AKAP7: variants seen among roughly 807,000 people sequenced by gnomAD.
AKAP7 encodes the protein A kinase (PRKA) anchor protein 7.
In AKAP7, 39 loss-of-function variants were observed where a neutral mutation model predicts 39.5. The ratio of observed to expected loss-of-function variants is 0.99; its 90% CI spans 0.76 to 1.29. AKAP7 has a LOEUF of 1.29. AKAP7 is among the 50% of genes most tolerant of loss of function. The probability of loss-of-function intolerance (pLI) is 0.00; values close to 1 mark genes in which losing one functional copy is unlikely to be tolerated. For missense variants in AKAP7, 414 were observed against 407.7 expected (o/e 1.02, Z -0.13); for synonymous variants, 140 against 139.1 (o/e 1.01, Z -0.05).
At chr6:131,277,350 G>T (rs1814831882) in intron 7 of AKAP7, among the ~76,000 whole-genome samples, 1 of 152,164 alleles carries the variant, frequency 6.6e-6, no homozygotes, top group Non-Finnish European at 1.5e-5. Context: ...CATTTTATTA[G>T]GTAGAATATT....
In AKAP7 at chr6:131,242,672, C is replaced by A. The variant is rs553266200; in HGVS notation, c.850+22864C>A. ...TCGTTTTCACTGTGATAAAGTGGGC[C>A]TCAGGCCACATGGGCCTGACTTTTG... On this transcript the variant is annotated intron_variant, in intron 7 of 7. Transcript: ENST00000431975. Among the ~76,000 whole-genome samples the A allele has an allele frequency of 5.3e-5, 8 of 152,080 alleles. No individual in the cohort carries two copies. In the South Asian group the frequency reaches 1.7e-3, roughly 32 times the overall value.
chr6:131,199,627 G>A, intron 6 of AKAP7, 54 bp downstream of exon 6: 1 of 1,359,588 alleles, frequency 7.4e-7, no homozygotes, highest in Non-Finnish European at 1.1e-6. Context: ...CCAGCCATAA[G>A]CATGGTCTGG....
chr6:131,259,299 TGTA>T (rs1813115708), intron 7 of AKAP7, among the ~76,000 whole-genome samples: 2 of 152,144 alleles, frequency 1.3e-5, no homozygotes, highest in Non-Finnish European at 1.5e-5. Flanking sequence ...CTAGGGCTAT[TGTA>T]GTCAGACTTT....
At chr6:131,273,945 T>C (rs1161452706) in intron 7 of AKAP7, among the ~76,000 whole-genome samples, 7 of 150,412 alleles carry the variant, frequency 4.7e-5, no homozygotes, top group Non-Finnish European at 8.9e-5. Context: ...CTTTTCTTTT[T>C]TTTTTTTTTT....
chr6:131,134,937 T>C (rs1584913916), upstream of AKAP7, among the ~76,000 whole-genome samples: 1 of 152,318 alleles, frequency 6.6e-6, no homozygotes, highest in East Asian at 1.9e-4. Context: ...AAATTTCTTT[T>C]TCTCCCAATT....
chr6:131,132,186 G>A (rs1022021431), upstream of AKAP7, among the ~76,000 whole-genome samples: 3 of 151,906 alleles, frequency 2.0e-5, no homozygotes, highest in Admixed American at 6.6e-5. Context: ...GGTGGCGGGC[G>A]CCTGTGGTCC....
chr6:131,262,469 G>A (rs148596054), intron 7 of AKAP7, among the ~76,000 whole-genome samples: 8 of 152,186 alleles, frequency 5.3e-5, no homozygotes, highest in African/African-American at 1.7e-4. Flanking sequence ...TCCAAGGTGA[G>A]CATTTTGTTT....
chr6:131,132,039 G>A (rs1172077497), upstream of AKAP7, among the ~76,000 whole-genome samples: 1 of 152,138 alleles, frequency 6.6e-6, no homozygotes, highest in Non-Finnish European at 1.5e-5. Context: ...TCGGCCAGGC[G>A]CGGTGGGTCA....
intron 5 of AKAP7, among the ~76,000 whole-genome samples, chr6:131,170,367 GA>G (rs144546746): frequency 0.1 from 15,279 of 148,094 alleles, 1,010 homozygotes; most frequent in South Asian, 0.23. Context: ...TGGAAAAAAA[GA>G]AAAAAAAAAT....
chr6:131,171,708 T>C (rs1243748738), intron 5 of AKAP7, among the ~76,000 whole-genome samples: 4 of 152,158 alleles, frequency 2.6e-5, no homozygotes, highest in Non-Finnish European at 5.9e-5. Context: ...TACTAATCTG[T>C]GATCTTCTCA....
the AKAP7 span, among the ~76,000 whole-genome samples, chr6:131,127,912 A>C: frequency 3.3e-5 from 5 of 152,320 alleles, no homozygotes; most frequent in Admixed American, 2.0e-4. Context: ...ATCCTTAGCA[A>C]ACTAACACAG....
intron 5 of AKAP7, among the ~76,000 whole-genome samples, chr6:131,175,936 G>A (rs145841708): frequency 1.3e-5 from 2 of 152,214 alleles, no homozygotes; most frequent in South Asian, 2.1e-4. Flanking sequence ...AGGTTTACAT[G>A]TTTATTTGGG....
intron 7 of AKAP7, among the ~76,000 whole-genome samples, chr6:131,247,269 GTATATATATATATATA>G (rs60033504): frequency 0.13 from 11,918 of 91,956 alleles, 1,001 homozygotes; most frequent in East Asian, 0.21. Flanking sequence ...CATTTCATAT[GTATATATATATATATA>G]TATATATATA....
In AKAP7 at chr6:131,282,290, C is replaced by A; in HGVS notation, c.*564C>A. The A allele has an allele frequency of 7.4e-7, 1 of 1,349,650 alleles. No homozygotes were observed. Among genetic ancestry groups the A allele is most frequent in the South Asian group, 2.2e-5 (1 of 46,178 alleles). 83.6% of individuals were successfully genotyped at this position (1,349,650 alleles called of 1,614,324 possible). ...ATGATATATTTTTGGTGAAATGCAACCTTTTCTATAAAATGTGGGCAACAT... is the reference window on the plus strand; with the variant it reads ...ATGATATATTTTTGGTGAAATGCAAACTTTTCTATAAAATGTGGGCAACAT... On this transcript the variant is annotated 3_prime_UTR_variant, in exon 8 of 8. Transcript: ENST00000431975.
At chr6:131,241,754 CTGAGA>C (rs1212524707) in intron 7 of AKAP7, among the ~76,000 whole-genome samples, 1 of 151,792 alleles carries the variant, frequency 6.6e-6, no homozygotes, top group Non-Finnish European at 1.5e-5. Context: ...AGCTAGTTAC[CTGAGA>C]TATGTATTGT....
intron 5 of AKAP7, among the ~76,000 whole-genome samples, chr6:131,186,691 G>A (rs1805894411): frequency 6.6e-6 from 1 of 152,138 alleles, no homozygotes; most frequent in Non-Finnish European, 1.5e-5. Context: ...CTCACCTAGT[G>A]GAAGGGGAGA....
intron 7 of AKAP7, among the ~76,000 whole-genome samples, chr6:131,233,759 G>C (rs1404075935): frequency 3.3e-5 from 5 of 152,140 alleles, no homozygotes; most frequent in Admixed American, 3.3e-4. Context: ...CTTTTAAGAT[G>C]GAAAAGAGCA....
chr6:131,202,665 C>T (rs992459040), intron 6 of AKAP7, among the ~76,000 whole-genome samples: 7 of 150,526 alleles, frequency 4.7e-5, no homozygotes, highest in Admixed American at 1.3e-4. Flanking sequence ...CGCTAAATGA[C>T]GAGTTAATGG....
intron 1 of AKAP7, chr6:131,136,869 G>A (rs1800589838): frequency 2.0e-6 from 2 of 985,332 alleles, no homozygotes; most frequent in Non-Finnish European, 2.4e-6. Flanking sequence ...ATTTTTAGTA[G>A]CTAAGCCAGG....
Sources: allele counts gnomAD v4.1 joint callset (sites outside exome capture counted in the v4.1 genomes callset), GRCh38; gene constraint gnomAD v4.1.1; transcripts MANE v1.5; gene names NCBI Gene and HGNC (gene_info 2026-07-23, HGNC 2026-07-21).